ZFPM2: variants seen among roughly 807,000 people sequenced by gnomAD.
ZFPM2 encodes zinc finger protein ZFPM2.
Under a neutral mutation model 98.6 loss-of-function variants are expected in ZFPM2, and 20 were observed. The ratio of observed to expected loss-of-function variants is 0.20; its 90% CI spans 0.14 to 0.29. The LOEUF is 0.29. ZFPM2 is among the 10% of genes least tolerant of loss of function. The probability of loss-of-function intolerance (pLI) is 1.00; values close to 1 mark genes in which losing one functional copy is unlikely to be tolerated. For synonymous variants in ZFPM2, 518 were observed against 502.7 expected, an observed-to-expected ratio of 1.03 and a Z score of -0.41; for missense variants, 1,310 against 1,388.6, an observed-to-expected ratio of 0.94 and a Z score of 0.90.
intron 5 of ZFPM2, among the ~76,000 whole-genome samples, chr8:105,652,197 C>T (rs1302264194): frequency 2.0e-5 from 3 of 150,752 alleles, no homozygotes; most frequent in Non-Finnish European, 4.4e-5. Context: ...CAGCTCTTCA[C>T]TAGGGGAAGG....
intron 3 of ZFPM2, among the ~76,000 whole-genome samples, chr8:105,516,074 C>T (rs1404646354): frequency 6.6e-6 from 1 of 151,772 alleles, no homozygotes; most frequent in African/African-American, 2.4e-5. Context: ...TGCAGGCGCC[C>T]ACAACCAAAT....
At position 105,801,314 on chromosome 8, in the gene ZFPM2, C is replaced by T; in HGVS notation, c.1232C>T (p.Ala411Val). The stretch of plus-strand genomic sequence containing the variant: ...GCAACTGAAGACAGCTTACAGCCAG[C>T]CACAGACTTATTGACCAGAAGCGAA... Reference protein sequence around the residue: ...PSATEDSLQPATDLLTRSELP... With the variant: ...PSATEDSLQPVTDLLTRSELP... Residue 411 changes from alanine to valine, a missense_variant, in exon 8 of 8, where the codon GCC (alanine) becomes GTC (valine). Ala to Val is a moderately conservative substitution (Grantham distance 64, BLOSUM62 0). Coordinates refer to ENST00000407775, the MANE Select transcript of ZFPM2 (RefSeq NM_012082.4). The T allele has an allele frequency of 6.2e-7, 1 of 1,613,892 alleles. No homozygotes were observed.
At chr8:105,568,867 C>T (rs1478192419) in intron 4 of ZFPM2, among the ~76,000 whole-genome samples, 1 of 152,088 alleles carries the variant, frequency 6.6e-6, no homozygotes, top group Non-Finnish European at 1.5e-5. Flanking sequence ...CCCTTTTCCA[C>T]TCTCTTATAG....
At chr8:105,429,965 A>G (rs572846185) in intron 2 of ZFPM2, among the ~76,000 whole-genome samples, 30 of 152,318 alleles carry the variant, frequency 2.0e-4, no homozygotes, top group African/African-American at 5.8e-4. Flanking sequence ...TTTCTAGCCA[A>G]TGATAGACCT....
intron 3 of ZFPM2, among the ~76,000 whole-genome samples, chr8:105,460,254 G>A (rs1335045976): frequency 6.6e-6 from 1 of 152,146 alleles, no homozygotes; most frequent in Non-Finnish European, 1.5e-5. Flanking sequence ...TGGCCTAACG[G>A]ATCTGCTGGC....
At chr8:105,738,206 G>A (rs1335859546) in intron 5 of ZFPM2, among the ~76,000 whole-genome samples, 1 of 151,920 alleles carries the variant, frequency 6.6e-6, no homozygotes, top group African/African-American at 2.4e-5. Context: ...AGTGTGTGTT[G>A]TTCCCCACTA....
At chr8:105,629,023 G>C (rs757334076) in intron 4 of ZFPM2, among the ~76,000 whole-genome samples, 1 of 152,186 alleles carries the variant, frequency 6.6e-6, no homozygotes, top group African/African-American at 2.4e-5. Flanking sequence ...ACCCCTGCCT[G>C]TATGCTGCTG....
chr8:105,775,475 G>A (rs1428575277), intron 5 of ZFPM2, among the ~76,000 whole-genome samples: 1 of 152,128 alleles, frequency 6.6e-6, no homozygotes, highest in Non-Finnish European at 1.5e-5. Flanking sequence ...CCTCCCTTCT[G>A]CTCCTGATTG....
chr8:105,330,587 TA>T (rs1812203583), intron 1 of ZFPM2, among the ~76,000 whole-genome samples: 1 of 57,162 alleles, frequency 1.7e-5, no homozygotes, highest in African/African-American at 1.1e-4. Context: ...TATACATATA[TA>T]TATATACATA....
chr8:105,621,888 G>A (rs1816559126), intron 4 of ZFPM2, among the ~76,000 whole-genome samples: 1 of 152,042 alleles, frequency 6.6e-6, no homozygotes, highest in Admixed American at 6.6e-5. Context: ...TAGGGTGCAT[G>A]TGCACAATGT....
intron 5 of ZFPM2, among the ~76,000 whole-genome samples, chr8:105,761,105 C>G (rs1275862359): frequency 6.6e-6 from 1 of 151,942 alleles, no homozygotes; most frequent in Non-Finnish European, 1.5e-5. Flanking sequence ...TTATCTCAGT[C>G]TTTGGGGATA....
At chr8:105,700,590 G>A (rs1375725275) in intron 5 of ZFPM2, among the ~76,000 whole-genome samples, 1 of 150,348 alleles carries the variant, frequency 6.7e-6, no homozygotes, top group African/African-American at 2.4e-5. Context: ...TTGTTTGTTT[G>A]ATTGTTTGTT....
chr8:105,330,547 T>TAC (rs1563606468), intron 1 of ZFPM2, among the ~76,000 whole-genome samples: 4 of 70,528 alleles, frequency 5.7e-5, no homozygotes, highest in Non-Finnish European at 8.3e-5. Flanking sequence ...TCTATATATA[T>TAC]ATATACATAT....
At chr8:105,469,562 AG>A (rs1190027338) in intron 3 of ZFPM2, among the ~76,000 whole-genome samples, 3 of 152,236 alleles carry the variant, frequency 2.0e-5, no homozygotes, top group African/African-American at 7.2e-5. Flanking sequence ...CAGACTGACT[AG>A]CCTCAAATAC....
chr8:105,779,610 T>A (rs1337004262), intron 5 of ZFPM2, among the ~76,000 whole-genome samples: 1 of 152,238 alleles, frequency 6.6e-6, no homozygotes, highest in African/African-American at 2.4e-5. Context: ...TGAAGCTTTG[T>A]CAGCTCTGTA....
chr8:105,489,468 T>TATATA (rs1563682484), intron 3 of ZFPM2, among the ~76,000 whole-genome samples: 2 of 52,490 alleles, frequency 3.8e-5, no homozygotes, highest in Non-Finnish European at 7.0e-5. Context: ...ATATATATAT[T>TATATA]TTTTTTTTTT....
At chr8:105,740,277 A>G (rs1758971757) in intron 5 of ZFPM2, among the ~76,000 whole-genome samples, 1 of 151,976 alleles carries the variant, frequency 6.6e-6, no homozygotes, top group East Asian at 1.9e-4. Flanking sequence ...AAAGAAGAAG[A>G]GAGGAACAAA....
chr8:105,428,640 A>T (rs2130128830), intron 2 of ZFPM2, among the ~76,000 whole-genome samples: 1 of 152,308 alleles, frequency 6.6e-6, no homozygotes, highest in Non-Finnish European at 1.5e-5. Context: ...TTTGGATAAG[A>T]GCTTCAGCCT....
At chr8:105,537,399 G>A in intron 3 of ZFPM2, among the ~76,000 whole-genome samples, 1 of 152,154 alleles carries the variant, frequency 6.6e-6, no homozygotes, top group Non-Finnish European at 1.5e-5. Flanking sequence ...CTTTTGTCCA[G>A]GCATGGTGGC....
Sources: gnomAD v4.1 joint callset for allele counts (sites outside exome capture counted in the v4.1 genomes callset) on GRCh38, gnomAD v4.1.1 for gene constraint, MANE v1.5 for transcripts, NCBI Gene and HGNC (gene_info 2026-07-23, HGNC 2026-07-21) for gene names.